The following NRG2 variants were observed in gnomAD, a reference collection of about 807,000 sequenced individuals.
The protein encoded by NRG2 is pro-neuregulin-2, membrane-bound isoform.
NRG2 carries 27 observed loss-of-function variants against 73.9 expected under a neutral mutation model. That is an observed-to-expected ratio of 0.37 (90% CI 0.27 to 0.50). The LOEUF (loss-of-function observed/expected upper bound fraction) is 0.50, where lower values mean the gene tolerates loss of function less well. Among genes scored for constraint, NRG2 ranks in the 20% least tolerant of loss-of-function variants. NRG2 has a pLI of 0.96. For synonymous variants in NRG2, 532 were observed against 541.0 expected (o/e 0.98, Z 0.23); for missense variants, 1,126 against 1,210.1 (o/e 0.93, Z 1.03).
intron 1 of NRG2, among the ~76,000 whole-genome samples, chr5:139,978,527 G>A (rs906850536): frequency 5.9e-5 from 9 of 152,216 alleles, no homozygotes; most frequent in Non-Finnish European, 1.2e-4. Flanking sequence ...CATTGTGGAA[G>A]TCAGTGTGGC....
chr5:139,872,747 A>G (rs183688683), intron 3 of NRG2, among the ~76,000 whole-genome samples: 35 of 152,342 alleles, frequency 2.3e-4, no homozygotes, highest in African/African-American at 8.4e-4. Flanking sequence ...CATTTGAGAA[A>G]TGAACATCAC....
chr5:139,994,335 T>A (rs553090928), intron 1 of NRG2, among the ~76,000 whole-genome samples: 19 of 152,330 alleles, frequency 1.2e-4, no homozygotes, highest in African/African-American at 4.3e-4. Flanking sequence ...AATTGCAAAC[T>A]CTTCACATTT....
chr5:139,982,835 C>T (rs1272777533), intron 1 of NRG2, among the ~76,000 whole-genome samples: 1 of 152,154 alleles, frequency 6.6e-6, no homozygotes, highest in African/African-American at 2.4e-5. Context: ...GTAGTCTTGC[C>T]CAGGGGCAGC....
At position 139,856,828 on chromosome 5, in the gene NRG2, G is replaced by C. The variant is rs541913452; in HGVS notation, c.1190-1050C>G. Among the ~76,000 whole-genome samples the C allele has an allele frequency of 2.0e-5, 3 of 152,174 alleles. No individual in the cohort carries two copies. The highest frequency in any genetic ancestry group is 4.2e-4 in the South Asian group (2 of 4,810). On this transcript the variant is annotated intron_variant, in intron 5 of 9. Coordinates refer to ENST00000361474, the MANE Select transcript of NRG2 (RefSeq NM_004883.3). The surrounding 1 kb of genome is among the most constrained non-coding windows in gnomAD (Gnocchi z 4.2). ...CACACACAACATATGCACACACACA[G>C]AGTTAACCACACACTCCAGCAACAG...
intron 1 of NRG2, among the ~76,000 whole-genome samples, chr5:139,916,967 C>T (rs1056993677): frequency 2.0e-5 from 3 of 152,144 alleles, no homozygotes; most frequent in Non-Finnish European, 2.9e-5. Context: ...TGTAACTCTA[C>T]GTTTAATCAT....
At chr5:139,966,719 G>A (rs1033831036) in intron 1 of NRG2, among the ~76,000 whole-genome samples, 2 of 152,144 alleles carry the variant, frequency 1.3e-5, no homozygotes, top group Admixed American at 1.3e-4. Context: ...CTGAGAGAGA[G>A]AGTTGGAAAT....
chr5:139,875,414 G>A (rs1339817373), intron 3 of NRG2, among the ~76,000 whole-genome samples: 1 of 152,210 alleles, frequency 6.6e-6, no homozygotes, highest in Non-Finnish European at 1.5e-5. Flanking sequence ...GTCCAGCATG[G>A]TGCCTGGCAC....
At chr5:139,872,845 C>T (rs1030438067) in intron 3 of NRG2, among the ~76,000 whole-genome samples, 1 of 152,198 alleles carries the variant, frequency 6.6e-6, no homozygotes, top group Admixed American at 6.5e-5. Context: ...TTAGATAATG[C>T]CCCATCCAAT....
rs143362111 is a variant in NRG2 at position 139,904,570 on chromosome 5, G to T, written c.701-17059C>A. On this transcript the variant is annotated intron_variant, in intron 1 of 9. Transcript: ENST00000361474. The surrounding 1 kb of genome is among the most constrained non-coding windows in gnomAD (Gnocchi z 6.0). The stretch of plus-strand genomic sequence containing the variant: ...TTCCCCTCCCGCGCCCTCCACCCTC[G>T]CCCCCCCTCCACCGGCTCGGGCCGC... 9.2e-3 allele frequency among the ~76,000 whole-genome samples: 1,397 copies of T among 151,982 alleles called. 10 individuals are homozygous for T. Among genetic ancestry groups the T allele is most frequent in the Middle Eastern group, 0.034 (10 of 292 alleles).
intron 5 of NRG2, among the ~76,000 whole-genome samples, chr5:139,861,959 G>T (rs1334663886): frequency 6.6e-6 from 1 of 152,212 alleles, no homozygotes; most frequent in South Asian, 2.1e-4. Flanking sequence ...CGAGGTGGTT[G>T]TATTAGATGA....
In NRG2 at chr5:139,915,787, G is replaced by T. The variant is rs981119728; in HGVS notation, c.701-28276C>A. On this transcript the variant is annotated intron_variant, in intron 1 of 9. Coordinates refer to ENST00000361474, the MANE Select transcript of NRG2 (RefSeq NM_004883.3). This position sits in a 1 kb window ranked among gnomAD's most constrained non-coding sequence, Gnocchi z 4.0. ...GAAGGATCATGGTGACATTTGTATC[G>T]CAAAAGATGAGCTGAGAGTACAGGA... 6.6e-6 allele frequency among the ~76,000 whole-genome samples: 1 copy of T among 152,198 alleles called. No individual in the cohort carries two copies. Among genetic ancestry groups the T allele is most frequent in the Non-Finnish European group, 1.5e-5 (1 of 68,038 alleles).
intron 1 of NRG2, among the ~76,000 whole-genome samples, chr5:140,033,499 C>T (rs1580991385): frequency 6.6e-6 from 1 of 152,156 alleles, no homozygotes; most frequent in South Asian, 2.1e-4. Context: ...TTGACCAGCA[C>T]GTACCCATGA....
At chr5:139,964,783 G>A (rs913207333) in intron 1 of NRG2, among the ~76,000 whole-genome samples, 5 of 152,210 alleles carry the variant, frequency 3.3e-5, no homozygotes, top group Admixed American at 3.3e-4. Flanking sequence ...TCCAGAGAGA[G>A]GGAGGGCCCT....
At chr5:139,891,719 T>C (rs1283410529) in intron 1 of NRG2, among the ~76,000 whole-genome samples, 2 of 151,618 alleles carry the variant, frequency 1.3e-5, no homozygotes, top group Non-Finnish European at 2.9e-5. Context: ...GGCTGGAAGA[T>C]AGTAGAAGAT....
intron 1 of NRG2, among the ~76,000 whole-genome samples, chr5:140,011,239 T>C (rs1759341331): frequency 6.6e-6 from 1 of 152,212 alleles, no homozygotes; most frequent in African/African-American, 2.4e-5. Flanking sequence ...GGTTACTTCC[T>C]ATGTTATAGC....
In NRG2 at chr5:139,852,099, T is replaced by C. The variant is rs1761474887; in HGVS notation, c.1545-268A>G. 6.6e-6 allele frequency among the ~76,000 whole-genome samples: 1 copy of C among 152,212 alleles called. No individual in the cohort carries two copies. Among genetic ancestry groups the C allele is most frequent in the South Asian group, 2.1e-4 (1 of 4,828 alleles). On this transcript the variant is annotated intron_variant, in intron 8 of 9. Coordinates refer to ENST00000361474, the MANE Select transcript of NRG2 (RefSeq NM_004883.3). The surrounding 1 kb of genome is among the most constrained non-coding windows in gnomAD (Gnocchi z 4.4). ...AACCAGCCTCCCCCCAGCCTTACCTTAGACCCCCTGTCTGGGACCTTTCCA... is the reference window on the plus strand; with the variant it reads ...AACCAGCCTCCCCCCAGCCTTACCTCAGACCCCCTGTCTGGGACCTTTCCA...
intron 1 of NRG2, among the ~76,000 whole-genome samples, chr5:139,943,650 A>C (rs1450043292): frequency 6.6e-6 from 1 of 152,246 alleles, no homozygotes; most frequent in Non-Finnish European, 1.5e-5. Context: ...TAATTTAATA[A>C]CAAAATAATC....
chr5:139,887,469 T>G lies in NRG2; in HGVS notation c.743A>C (p.Gln248Pro). Residue 248 changes from glutamine to proline, a missense_variant, in exon 2 of 10, where the codon CAG becomes CCG. Transcript: ENST00000361474. The surrounding 1 kb of genome is among the most constrained non-coding windows in gnomAD (Gnocchi z 4.5). ...CTTCAGCGATTGCTTCTCACCCACC[T>G]GTCCCGTCTGGCTCTTCATCTTCTT... ...KLKKMKSQTG[Q>P]VGEKQSLKCE... 1 of 1,614,212 alleles carries G rather than the reference T, an allele frequency of 6.2e-7. No homozygotes were observed. Among genetic ancestry groups the G allele is most frequent in the Non-Finnish European group, 8.5e-7 (1 of 1,180,020 alleles).
chr5:140,043,084 TG>T lies in NRG2; in HGVS notation c.-16del, dbSNP rs775142449. 5.7e-6 allele frequency: 9 copies of T among 1,571,358 alleles called. No homozygotes were observed. The African/African-American group carries it at 1.1e-4, about 19-fold the overall frequency. ...ACCTGCCGCATCTGGCCAGGCCATT[TG>T]GGGGGCTCCGCCGCTCAGCCGCCGC... On this transcript the variant is annotated 5_prime_UTR_variant, in exon 1 of 10. Coordinates refer to ENST00000361474, the MANE Select transcript of NRG2 (RefSeq NM_004883.3). The surrounding 1 kb of genome is among the most constrained non-coding windows in gnomAD (Gnocchi z 6.7).
Sources: gnomAD v4.1 joint callset for allele counts (sites outside exome capture counted in the v4.1 genomes callset) on GRCh38, gnomAD v4.1.1 for gene constraint, Gnocchi (gnomAD v3.1) non-coding constraint, MANE v1.5 for transcripts, NCBI Gene and HGNC (gene_info 2026-07-23, HGNC 2026-07-21) for gene names.